The following GRM7 variants were observed in gnomAD, a reference collection of about 807,000 sequenced individuals.
GRM7 encodes the protein metabotropic glutamate receptor 7.
In GRM7, 35 loss-of-function variants were observed where a neutral mutation model predicts 84.5. The ratio of observed to expected loss-of-function variants is 0.41; its 90% CI spans 0.32 to 0.55. GRM7 has a LOEUF of 0.55. Among genes scored for constraint, GRM7 ranks in the 20% least tolerant of loss-of-function variants. The pLI is 0.19. For missense variants in GRM7, 1,003 were observed against 1,194.6 expected (o/e 0.84, Z 2.36); for synonymous variants, 487 against 455.1 (o/e 1.07, Z -0.89).
chr3:7,211,431 T>C (rs1476155995), intron 2 of GRM7, among the ~76,000 whole-genome samples: 3 of 152,064 alleles, frequency 2.0e-5, no homozygotes, highest in Non-Finnish European at 4.4e-5. Context: ...AAACATCGGA[T>C]TTGTTGATGG....
chr3:6,903,812 A>G (rs1041923785), intron 1 of GRM7, among the ~76,000 whole-genome samples: 3 of 152,160 alleles, frequency 2.0e-5, no homozygotes, highest in Admixed American at 6.5e-5. Context: ...ACTCTTGGAA[A>G]TCTGGCATAT....
At chr3:7,046,909 A>C (rs978973905) in intron 1 of GRM7, among the ~76,000 whole-genome samples, 2 of 152,084 alleles carry the variant, frequency 1.3e-5, no homozygotes, top group African/African-American at 4.8e-5. Context: ...AAGTTCTTAT[A>C]AAGAAAGAAA....
At chr3:7,437,251 T>C (rs1559321426) in intron 5 of GRM7, among the ~76,000 whole-genome samples, 1 of 152,192 alleles carries the variant, frequency 6.6e-6, no homozygotes, top group Non-Finnish European at 1.5e-5. Context: ...TTAAGTGAGT[T>C]CAATTTTAAA....
chr3:7,489,905 T>C (rs1699459958), intron 7 of GRM7, among the ~76,000 whole-genome samples: 1 of 151,702 alleles, frequency 6.6e-6, no homozygotes, highest in Non-Finnish European at 1.5e-5. Flanking sequence ...TTTATGATAT[T>C]ATATACCATA....
At chr3:7,478,522 G>A (rs766790471) in intron 7 of GRM7, among the ~76,000 whole-genome samples, 2 of 152,176 alleles carry the variant, frequency 1.3e-5, no homozygotes, top group Non-Finnish European at 2.9e-5. Context: ...TTTTTGCCAA[G>A]AGCATTACAT....
In GRM7 at chr3:7,211,593, C is replaced by T. The variant is rs576832496; in HGVS notation, c.736+64925C>T. Among the ~76,000 whole-genome samples the T allele has an allele frequency of 7.8e-5, 11 of 141,438 alleles. 1 individual carries two copies. In the South Asian group the frequency reaches 2.2e-3, roughly 28 times the overall value. 92.8% of individuals were successfully genotyped at this position (141,438 alleles called of 152,430 possible). Reference sequence around the variant, plus strand: ...TTTTGGGGGTTGAATTTTATATAAACCTATTAAAAAGGGCCAAATAGTTCC... The same window carrying T: ...TTTTGGGGGTTGAATTTTATATAAATCTATTAAAAAGGGCCAAATAGTTCC... On this transcript the variant is annotated intron_variant, in intron 2 of 9. Transcript: ENST00000357716.
chr3:7,603,236 C>T (rs1008098518), intron 8 of GRM7, among the ~76,000 whole-genome samples: 1 of 151,986 alleles, frequency 6.6e-6, no homozygotes, highest in Admixed American at 6.6e-5. Flanking sequence ...AAGTATAAAC[C>T]TTTACTCATT....
At chr3:7,693,109 G>A (rs749870702) in intron 9 of GRM7, among the ~76,000 whole-genome samples, 48 of 151,868 alleles carry the variant, frequency 3.2e-4, no homozygotes, top group Non-Finnish European at 5.3e-4. Flanking sequence ...CTGCTAGAAC[G>A]GAAATGTTTA....
rs148298277 is a variant in GRM7 at position 7,055,477 on chromosome 3, CTGTG to C, written c.520-90949_520-90946del. ...TTTTATATATAAATATTTTATATAT[CTGTG>C]TGTGTGTGTGTGTGTGTGTGTGTGT... On this transcript the variant is annotated intron_variant, in intron 1 of 9. Transcript: ENST00000357716. 9.0e-3 allele frequency among the ~76,000 whole-genome samples: 1,296 copies of C among 143,600 alleles called. 15 individuals carry two copies. Among genetic ancestry groups the C allele is most frequent in the African/African-American group, 0.025 (1,000 of 39,240 alleles). 94.2% of individuals were successfully genotyped at this position (143,600 alleles called of 152,430 possible). A position where few individuals can be genotyped will look rare whatever the true frequency, so the allele number is the denominator to read the frequency against.
At chr3:7,193,156 C>A (rs558671267) in intron 2 of GRM7, among the ~76,000 whole-genome samples, 1 of 152,156 alleles carries the variant, frequency 6.6e-6, no homozygotes, top group South Asian at 2.1e-4. Flanking sequence ...CAAATAAGAT[C>A]ATAGATGCTC....
rs1014249818 is a variant in GRM7 at position 7,113,973 on chromosome 3, A to G, written c.520-32479A>G. Among the ~76,000 whole-genome samples, 14 of 152,306 alleles carry G rather than the reference A, an allele frequency of 9.2e-5. No individual in the cohort carries two copies. The East Asian group carries it at 2.1e-3, about 23-fold the overall frequency. ...TTTTCAAAGATGACACGGGACTTCA[A>G]TGACAGAGTTAGATTTTGAACAGAT... is the stretch of plus-strand genomic sequence containing the variant. On this transcript the variant is annotated intron_variant, in intron 1 of 9. Transcript: ENST00000357716.
chr3:7,679,652 A>G (rs1700282472), intron 8 of GRM7, among the ~76,000 whole-genome samples: 2 of 152,234 alleles, frequency 1.3e-5, no homozygotes, highest in South Asian at 4.1e-4. Context: ...GGAAGAAATC[A>G]TGGAGTGTGA....
intron 1 of GRM7, among the ~76,000 whole-genome samples, chr3:6,973,591 A>G (rs529498424): frequency 9.8e-5 from 15 of 152,332 alleles, no homozygotes; most frequent in African/African-American, 3.4e-4. Flanking sequence ...GGGTTTCATG[A>G]CCAAGGCAGA....
chr3:7,017,996 G>T (rs1005708927), intron 1 of GRM7, among the ~76,000 whole-genome samples: 1 of 152,148 alleles, frequency 6.6e-6, no homozygotes, highest in East Asian at 1.9e-4. Context: ...TTGAAAGAAA[G>T]TATGTTATTC....
At chr3:7,729,769 A>G (rs1009239633) in intron 9 of GRM7, among the ~76,000 whole-genome samples, 1 of 151,716 alleles carries the variant, frequency 6.6e-6, no homozygotes, top group Admixed American at 6.6e-5. Flanking sequence ...GCAATGGCGC[A>G]ATCTCGGCTC....
At chr3:7,120,102 A>C (rs1207883866) in intron 1 of GRM7, among the ~76,000 whole-genome samples, 1 of 152,130 alleles carries the variant, frequency 6.6e-6, no homozygotes, top group Non-Finnish European at 1.5e-5. Flanking sequence ...AACTGAAGAC[A>C]TTTGAGACAT....
chr3:7,352,715 T>C (rs947410693), intron 4 of GRM7, among the ~76,000 whole-genome samples: 1 of 152,116 alleles, frequency 6.6e-6, no homozygotes, highest in Non-Finnish European at 1.5e-5. Context: ...TAAATTCTGA[T>C]GAGTCGTTTT....
rs146946059 is a variant in GRM7, at chr3:7,101,406, C to G, written c.520-45046C>G. Reference sequence around the variant, plus strand: ...TTGATTGTCGTATATCAATATATTGCTACCAGCTTTCTTATGCTTGTTGTT... The same window carrying G: ...TTGATTGTCGTATATCAATATATTGGTACCAGCTTTCTTATGCTTGTTGTT... On this transcript the variant is annotated intron_variant, in intron 1 of 9. Transcript: ENST00000357716. 5.9e-5 allele frequency among the ~76,000 whole-genome samples: 9 copies of G among 151,756 alleles called. No individual in the cohort carries two copies. In the East Asian group the frequency reaches 1.7e-3, roughly 29 times the overall value.
chr3:7,309,184 A>C (rs886731683), intron 4 of GRM7, among the ~76,000 whole-genome samples: 1 of 152,202 alleles, frequency 6.6e-6, no homozygotes, highest in Admixed American at 6.5e-5. Context: ...AGTTTTGTTC[A>C]CTTTCGTAGC....
Sources: gnomAD v4.1 joint callset for allele counts (sites outside exome capture counted in the v4.1 genomes callset) on GRCh38, gnomAD v4.1.1 for gene constraint, MANE v1.5 for transcripts, NCBI Gene and HGNC (gene_info 2026-07-23, HGNC 2026-07-21) for gene names.